The following SYNE1 variants were observed in gnomAD, a reference collection of about 807,000 sequenced individuals.
The protein encoded by SYNE1 is spectrin repeat containing nuclear envelope protein 1, also known as nesprin-1.
A neutral mutation model predicts 1,111.0 loss-of-function variants in SYNE1; 616 were observed. The observed-to-expected ratio is 0.55, with a 90% confidence interval of 0.52 to 0.59. The LOEUF (loss-of-function observed/expected upper bound fraction) is 0.59. SYNE1 is among the 20% of genes least tolerant of loss of function. SYNE1 has a pLI of 0.00. For synonymous variants in SYNE1, 3,855 were observed against 3,825.8 expected, an observed-to-expected ratio of 1.01 and a Z score of -0.28; for missense variants, 10,006 against 10,417.0, an observed-to-expected ratio of 0.96 and a Z score of 1.72.
intron 66 of SYNE1, among the ~76,000 whole-genome samples, 200 bp downstream of exon 66, chr6:152,358,173 T>C (rs184555484): frequency 1.4e-3 from 217 of 152,324 alleles, no homozygotes; most frequent in African/African-American, 5.0e-3. Flanking sequence ...CTGTCCTACC[T>C]AAATTGCCTA....
intron 58 of SYNE1, chr6:152,376,042 G>A (rs1591437254): frequency 8.5e-6 from 2 of 234,228 alleles, no homozygotes; most frequent in East Asian, 2.2e-4. Flanking sequence ...GATGGGGTGG[G>A]GCAGGGGGGA....
chr6:152,441,719 G>A (rs1223391849), intron 31 of SYNE1, among the ~76,000 whole-genome samples: 1 of 152,168 alleles, frequency 6.6e-6, no homozygotes, highest in African/African-American at 2.4e-5. Context: ...AAAGCATAAA[G>A]GTGGCATAAA....
chr6:152,322,390 T>A (rs1213675163), intron 82 of SYNE1, among the ~76,000 whole-genome samples: 1 of 152,198 alleles, frequency 6.6e-6, no homozygotes, highest in African/African-American at 2.4e-5. Flanking sequence ...ACATCACCTA[T>A]AAGGGAAAGA....
At chr6:152,540,356 G>A (rs1008463756) in intron 3 of SYNE1, among the ~76,000 whole-genome samples, 4 of 152,294 alleles carry the variant, frequency 2.6e-5, no homozygotes. Context: ...TGAATTTTAT[G>A]CTAAGTGCAA....
chr6:152,280,133 A>C lies in SYNE1; in HGVS notation c.18381+1674T>G, dbSNP rs536830108. ...CCCACAAAGGACATCACGTGGTTCC[A>C]ATTCTGTGTAATAGTCACCGTTATA... On this transcript the variant is annotated intron_variant, in intron 97 of 145. Coordinates refer to ENST00000367255, the MANE Select transcript of SYNE1 (RefSeq NM_182961.4). 2.0e-5 allele frequency among the ~76,000 whole-genome samples: 3 copies of C among 152,248 alleles called. No homozygotes were observed. In the South Asian group the frequency reaches 6.2e-4, roughly 32 times the overall value.
chr6:152,242,915 C>T (rs908744433), intron 106 of SYNE1, among the ~76,000 whole-genome samples: 15 of 151,914 alleles, frequency 9.9e-5, no homozygotes, highest in Middle Eastern at 3.2e-3. Flanking sequence ...AAAATAAAGT[C>T]TTATCTCATG....
chr6:152,601,782 C>T (rs1000960291), intron 3 of SYNE1, among the ~76,000 whole-genome samples: 15 of 152,048 alleles, frequency 9.9e-5, no homozygotes, highest in Admixed American at 7.9e-4. Flanking sequence ...AGATGAGATC[C>T]CAGCAGTAGA....
At chr6:152,230,403 C>A in intron 115 of SYNE1, 144 bp downstream of exon 115, 2 of 864,378 alleles carry the variant, frequency 2.3e-6, no homozygotes, top group Non-Finnish European at 3.6e-6. Context: ...CCTATAAACT[C>A]ACAAAATCAG....
intron 3 of SYNE1, among the ~76,000 whole-genome samples, chr6:152,581,756 G>A (rs762702303): frequency 3.9e-5 from 6 of 152,080 alleles, no homozygotes; most frequent in African/African-American, 7.2e-5. Context: ...CCCCTGGCTC[G>A]CTCCAGACTC....
At chr6:152,138,276 C>T (rs763355586) in intron 140 of SYNE1, among the ~76,000 whole-genome samples, 13 of 151,944 alleles carry the variant, frequency 8.6e-5, no homozygotes, top group Non-Finnish European at 1.9e-4. Flanking sequence ...TTTGGGAGGC[C>T]GAGGCGGGCG....
intron 3 of SYNE1, among the ~76,000 whole-genome samples, chr6:152,593,389 C>G (rs2099572363): frequency 6.6e-6 from 1 of 152,068 alleles, no homozygotes; most frequent in Admixed American, 6.6e-5. Context: ...TTGAGACCAT[C>G]CTGGCTAACA....
At chr6:152,409,267 A>G (rs1186303788) in intron 43 of SYNE1, 41 bp from the exon 44 acceptor site, 3 of 1,593,376 alleles carry the variant, frequency 1.9e-6, no homozygotes, top group Non-Finnish European at 2.6e-6. Flanking sequence ...ATAGTCAGTG[A>G]TAAGTCATGA....
chr6:152,493,509 CT>C (rs1197560780), intron 11 of SYNE1, among the ~76,000 whole-genome samples: 4 of 152,254 alleles, frequency 2.6e-5, no homozygotes, highest in Admixed American at 2.6e-4. Context: ...CAGTCAAGCC[CT>C]TTCTCATACT....
At position 152,526,124 on chromosome 6, in the gene SYNE1, C is replaced by A; in HGVS notation, c.181G>T (p.Val61Phe). ...DDLFEDMKDGVKLLALLEVLS... is the reference protein window; with the variant it reads ...DDLFEDMKDGFKLLALLEVLS... ...ACCTCCAGAAGGGCAAGCAGTTTAA[C>A]ACCATCTTTCATGTCTTCAAAAAGA... The change falls in exon 5 of 146, where the codon GTT becomes TTT. Residue 61 changes from valine (V) to phenylalanine (F), a missense_variant. Transcript: ENST00000367255. 6.2e-7 allele frequency: 1 copy of A among 1,614,122 alleles called. No homozygotes were observed. Among genetic ancestry groups the A allele is most frequent in the Non-Finnish European group, 8.5e-7 (1 of 1,179,988 alleles).
intron 99 of SYNE1, among the ~76,000 whole-genome samples, chr6:152,268,578 A>C (rs183410909): frequency 1.3e-3 from 203 of 152,266 alleles, no homozygotes; most frequent in African/African-American, 4.8e-3. Context: ...ATTTGGCTTT[A>C]ATTCTTCATT....
chr6:152,485,068 A>G, intron 12 of SYNE1, 96 bp from the exon 13 acceptor site: 1 of 1,285,298 alleles, frequency 7.8e-7, no homozygotes, highest in Non-Finnish European at 1.1e-6. Context: ...TTCTATTTGG[A>G]TAACACTCAA....
chr6:152,452,717 C>T (rs1330056638), intron 25 of SYNE1, among the ~76,000 whole-genome samples: 1 of 152,210 alleles, frequency 6.6e-6, no homozygotes, highest in Non-Finnish European at 1.5e-5. Context: ...TTCCATGGGT[C>T]TCCACTGTGC....
intron 2 of SYNE1, among the ~76,000 whole-genome samples, chr6:152,636,360 T>A (rs1051534139): frequency 6.6e-6 from 1 of 152,086 alleles, no homozygotes; most frequent in Non-Finnish European, 1.5e-5. Flanking sequence ...CCAGGAGATG[T>A]GCCACAAGCG....
chr6:152,315,082 T>A (rs1157940912), intron 87 of SYNE1: 1 of 151,418 alleles, frequency 6.6e-6, no homozygotes, highest in Non-Finnish European at 1.5e-5. Context: ...TATTTCACAT[T>A]TAAGTTTTCT....
Sources: allele counts gnomAD v4.1 joint callset (sites outside exome capture counted in the v4.1 genomes callset), GRCh38; gene constraint gnomAD v4.1.1; transcripts MANE v1.5; gene names NCBI Gene and HGNC (gene_info 2026-07-23, HGNC 2026-07-21).